Variants in ABAT observed in about 807,000 individuals in gnomAD.
ABAT encodes 4-aminobutyrate aminotransferase, mitochondrial.
A neutral mutation model predicts 64.6 loss-of-function variants in ABAT; 45 were observed. That is an observed-to-expected ratio of 0.70 (90% CI 0.55 to 0.89). The LOEUF is 0.89. Among genes scored for constraint, ABAT ranks in the 40% least tolerant of loss-of-function variants. ABAT has a pLI of 0.00. For synonymous variants in ABAT, 297 were observed against 250.5 expected, an observed-to-expected ratio of 1.19 and a Z score of -1.75; for missense variants, 633 against 658.4, an observed-to-expected ratio of 0.96 and a Z score of 0.42.
intron 2 of ABAT, chr16:8,738,486 C>T (rs1178831717): frequency 3.5e-5 from 16 of 455,654 alleles, no homozygotes; most frequent in Non-Finnish European, 7.1e-5. Context: ...GTCTCATCTT[C>T]CATGGCCTCC....
chr16:8,710,759 C>T (rs1488154519), intron 1 of ABAT, among the ~76,000 whole-genome samples: 1 of 145,782 alleles, frequency 6.9e-6, no homozygotes, highest in Non-Finnish European at 1.5e-5. Flanking sequence ...AGCACCTTCA[C>T]ATCTGAGCAG....
intron 1 of ABAT, among the ~76,000 whole-genome samples, chr16:8,692,537 G>A (rs1177435413): frequency 5.3e-5 from 8 of 151,932 alleles, no homozygotes; most frequent in Admixed American, 3.3e-4. Context: ...TACCTTTTTT[G>A]CTAGGGGGAT....
intron 9 of ABAT, among the ~76,000 whole-genome samples, chr16:8,767,386 C>G (rs534650852): frequency 2.6e-5 from 4 of 152,322 alleles, no homozygotes; most frequent in African/African-American, 9.6e-5. Flanking sequence ...AGGTGCCCAG[C>G]TCGGCCCCTT....
intron 9 of ABAT, among the ~76,000 whole-genome samples, chr16:8,766,830 G>A (rs994186306): frequency 3.3e-5 from 5 of 151,816 alleles, no homozygotes; most frequent in African/African-American, 7.3e-5. Context: ...TTAGCCAGAT[G>A]TGGTGGCGGG....
chr16:8,695,083 T>G (rs1408790321), intron 1 of ABAT, among the ~76,000 whole-genome samples: 1 of 152,224 alleles, frequency 6.6e-6, no homozygotes, highest in African/African-American at 2.4e-5. Context: ...GCATTTGACC[T>G]TGTCTGATCA....
intron 1 of ABAT, among the ~76,000 whole-genome samples, chr16:8,704,437 C>G (rs1171968386): frequency 6.6e-6 from 1 of 152,184 alleles, no homozygotes; most frequent in East Asian, 1.9e-4. Flanking sequence ...TTTGAGAATG[C>G]TAGAGAGACT....
In ABAT at chr16:8,782,928, A is replaced by G. The variant is rs1156253989; in HGVS notation, c.*1498A>G. The G allele has an allele frequency of 2.6e-5, 4 of 152,176 alleles. No individual in the cohort carries two copies. The highest frequency in any genetic ancestry group is 4.8e-5 in the African/African-American group (2 of 41,434). 9.4% of individuals were successfully genotyped at this position (152,176 alleles called of 1,614,324 possible). Reference sequence around the variant, plus strand: ...ATAACAAATCGTCCAAAGATCTCAAAGTAAGGGTTTTTTTTTTTAGCTTCC... The same window carrying G: ...ATAACAAATCGTCCAAAGATCTCAAGGTAAGGGTTTTTTTTTTTAGCTTCC... On this transcript the variant is annotated 3_prime_UTR_variant, in exon 16 of 16. Coordinates refer to ENST00000268251, the MANE Select transcript of ABAT (RefSeq NM_020686.6).
chr16:8,716,190 A>G (rs1261637589), intron 1 of ABAT, among the ~76,000 whole-genome samples: 4 of 152,144 alleles, frequency 2.6e-5, no homozygotes, highest in African/African-American at 7.2e-5. Flanking sequence ...CCCAGGCCAC[A>G]TTATGCCCCC....
intron 1 of ABAT, among the ~76,000 whole-genome samples, chr16:8,680,151 A>C (rs552651209): frequency 6.6e-6 from 1 of 151,838 alleles, no homozygotes; most frequent in East Asian, 1.9e-4. Flanking sequence ...CACATCCTAG[A>C]CTTCCTGGGT....
intron 1 of ABAT, among the ~76,000 whole-genome samples, chr16:8,693,704 A>G (rs536038511): frequency 4.8e-4 from 73 of 152,258 alleles, no homozygotes; most frequent in African/African-American, 1.7e-3. Context: ...CCTGACCTCA[A>G]GTGATCTGCC....
intron 6 of ABAT, among the ~76,000 whole-genome samples, chr16:8,759,609 C>G (rs2059739687): frequency 6.6e-6 from 1 of 152,164 alleles, no homozygotes; most frequent in Non-Finnish European, 1.5e-5. Flanking sequence ...ACCTCCCAGG[C>G]TCAAGTGATC....
At chr16:8,679,397 G>C (rs1567267598) in intron 1 of ABAT, among the ~76,000 whole-genome samples, 1 of 152,008 alleles carries the variant, frequency 6.6e-6, no homozygotes, top group African/African-American at 2.4e-5. Flanking sequence ...AGGGATCCTG[G>C]TGTCAGACTG....
At chr16:8,770,367 G>A (rs1392042406) in intron 11 of ABAT, among the ~76,000 whole-genome samples, 2 of 152,112 alleles carry the variant, frequency 1.3e-5, no homozygotes, top group Admixed American at 6.6e-5. Flanking sequence ...TCGATCTCCT[G>A]ACCTTGTGAT....
intron 1 of ABAT, among the ~76,000 whole-genome samples, chr16:8,729,305 A>ACAAAAC (rs2058650674): frequency 6.7e-6 from 1 of 149,146 alleles, no homozygotes; most frequent in African/African-American, 2.5e-5. Flanking sequence ...CCCTGTCTCA[A>ACAAAAC]CAAAAACAAA....
chr16:8,754,701 TCTTTCTTTCTTTCTTTC>T (rs2059599120), intron 5 of ABAT, among the ~76,000 whole-genome samples: 4 of 88,224 alleles, frequency 4.5e-5, no homozygotes, highest in African/African-American at 1.2e-4. Flanking sequence ...TTTCTTTCTT[TCTTTCTTTCTTTCTTTC>T]TTTCTTTTTT....
At chr16:8,772,084 C>T (rs759680941) in intron 11 of ABAT, among the ~76,000 whole-genome samples, 22 of 152,168 alleles carry the variant, frequency 1.4e-4, no homozygotes, top group East Asian at 1.4e-3. Flanking sequence ...GTTTTTTAAC[C>T]GAGGATATAT....
intron 1 of ABAT, chr16:8,715,111 AC>A (rs1266002597): frequency 1.3e-5 from 2 of 152,320 alleles, no homozygotes; most frequent in African/African-American, 2.4e-5. Flanking sequence ...CTCTTTCTCC[AC>A]ATTTGCCCGT....
chr16:8,732,816 C>T (rs1167812158), intron 1 of ABAT, among the ~76,000 whole-genome samples: 1 of 149,440 alleles, frequency 6.7e-6, no homozygotes, highest in African/African-American at 2.5e-5. Context: ...AGGCGCCCCT[C>T]ACCTCCCGGA....
chr16:8,779,728 C>G, intron 15 of ABAT, 138 bp downstream of exon 15: 1 of 719,788 alleles, frequency 1.4e-6, no homozygotes, highest in Non-Finnish European at 2.5e-6. Flanking sequence ...CCTGAATGCT[C>G]TTTCTCCAAA....
Sources: allele counts gnomAD v4.1 joint callset (sites outside exome capture counted in the v4.1 genomes callset), GRCh38; gene constraint gnomAD v4.1.1; transcripts MANE v1.5; gene names NCBI Gene and HGNC (gene_info 2026-07-23, HGNC 2026-07-21).